ADAMTS18: variants seen among roughly 807,000 people sequenced by gnomAD.
ADAMTS18 encodes ADAM metallopeptidase with thrombospondin type 1 motif 18, also known as A disintegrin and metalloproteinase with thrombospondin motifs 18.
In ADAMTS18, 157 loss-of-function variants were observed where a neutral mutation model predicts 165.9. The ratio of observed to expected loss-of-function variants is 0.95; its 90% CI spans 0.83 to 1.08. The LOEUF (loss-of-function observed/expected upper bound fraction) is 1.08. Among genes scored for constraint, ADAMTS18 ranks in the 50% least tolerant of loss-of-function variants. The pLI is 0.00. For missense variants in ADAMTS18, 2,040 were observed against 1,534.0 expected, an observed-to-expected ratio of 1.33 and a Z score of -5.51; for synonymous variants, 782 against 578.2, an observed-to-expected ratio of 1.35 and a Z score of -5.06.
chr16:77,428,826 C>G (rs2057704117), intron 3 of ADAMTS18, among the ~76,000 whole-genome samples: 1 of 152,120 alleles, frequency 6.6e-6, no homozygotes, highest in Non-Finnish European at 1.5e-5. Context: ...TGAAAATCCA[C>G]AACACTTCTG....
intron 12 of ADAMTS18, among the ~76,000 whole-genome samples, chr16:77,332,069 G>C (rs1211188373): frequency 6.6e-6 from 1 of 152,120 alleles, no homozygotes; most frequent in Non-Finnish European, 1.5e-5. Context: ...AGTTGACATA[G>C]GTACTATCGT....
At chr16:77,428,451 C>G (rs887634077) in intron 3 of ADAMTS18, among the ~76,000 whole-genome samples, 3 of 152,112 alleles carry the variant, frequency 2.0e-5, no homozygotes, top group Non-Finnish European at 4.4e-5. Flanking sequence ...CAGAACAATG[C>G]AAACTACACC....
In ADAMTS18 at chr16:77,296,128, G is replaced by C. The variant is rs184772666; in HGVS notation, c.2802-1001C>G. ...CTTATGAAGATGATCTAAAACATTG[G>C]TGAATGCAACACTGCTTTAGAAGAA... On this transcript the variant is annotated intron_variant, in intron 18 of 22. Coordinates refer to ENST00000282849, the MANE Select transcript of ADAMTS18 (RefSeq NM_199355.4). Among the ~76,000 whole-genome samples the C allele has an allele frequency of 1.5e-4, 23 of 152,178 alleles. No individual in the cohort carries two copies. In the East Asian group the frequency reaches 3.7e-3, roughly 24 times the overall value.
chr16:77,382,206 T>G (rs986815886), intron 3 of ADAMTS18, among the ~76,000 whole-genome samples: 6 of 149,848 alleles, frequency 4.0e-5, no homozygotes, highest in Non-Finnish European at 6.0e-5. Context: ...TTTGGTTTTT[T>G]GTTTGTTTGT....
chr16:77,297,242 G>A (rs2055490867), intron 18 of ADAMTS18, 47 bp downstream of exon 18: 1 of 1,610,226 alleles, frequency 6.2e-7, no homozygotes, highest in East Asian at 2.2e-5. Flanking sequence ...AACAATGAAG[G>A]CATACAAGTA....
intron 3 of ADAMTS18, among the ~76,000 whole-genome samples, chr16:77,402,102 C>A (rs747842314): frequency 1.3e-5 from 2 of 152,216 alleles, no homozygotes; most frequent in Non-Finnish European, 2.9e-5. Flanking sequence ...TCCCTAGCTA[C>A]CTACCTACCT....
chr16:77,382,138 A>G (rs1045438439), intron 3 of ADAMTS18, among the ~76,000 whole-genome samples: 24 of 152,210 alleles, frequency 1.6e-4, no homozygotes, highest in African/African-American at 5.8e-4. Flanking sequence ...CCACAATAAT[A>G]AAAGATACCA....
chr16:77,338,693 C>T (rs1950632072), intron 11 of ADAMTS18, among the ~76,000 whole-genome samples: 2 of 151,918 alleles, frequency 1.3e-5, no homozygotes, highest in Admixed American at 6.6e-5. Context: ...GTGGCTCAGG[C>T]CTGTAATCCC....
At chr16:77,398,467 C>A (rs2057287215) in intron 3 of ADAMTS18, among the ~76,000 whole-genome samples, 1 of 152,148 alleles carries the variant, frequency 6.6e-6, no homozygotes, top group Non-Finnish European at 1.5e-5. Context: ...TCAAAGCTGC[C>A]AGACACTTCA....
At chr16:77,372,067 T>C (rs1430590906) in intron 3 of ADAMTS18, among the ~76,000 whole-genome samples, 1 of 151,980 alleles carries the variant, frequency 6.6e-6, no homozygotes, top group African/African-American at 2.4e-5. Flanking sequence ...ATCAAAACCA[T>C]ATGAGATATT....
chr16:77,318,746 T>C (rs1011491192), intron 16 of ADAMTS18, among the ~76,000 whole-genome samples: 3 of 152,126 alleles, frequency 2.0e-5, no homozygotes, highest in African/African-American at 4.8e-5. Flanking sequence ...GATAGGCAAG[T>C]CTTTTAATCT....
chr16:77,341,481 C>G (rs1022559253), intron 11 of ADAMTS18, among the ~76,000 whole-genome samples: 1 of 151,756 alleles, frequency 6.6e-6, no homozygotes, highest in East Asian at 1.9e-4. Flanking sequence ...CCATCTAAAA[C>G]AGGAAGACAA....
At chr16:77,425,088 C>T (rs2057654726) in intron 3 of ADAMTS18, among the ~76,000 whole-genome samples, 1 of 152,188 alleles carries the variant, frequency 6.6e-6, no homozygotes, top group African/African-American at 2.4e-5. Context: ...AGCGTCCCTA[C>T]CGCCTATTGA....
chr16:77,301,735 A>C (rs575455706), intron 16 of ADAMTS18, among the ~76,000 whole-genome samples: 1 of 152,040 alleles, frequency 6.6e-6, no homozygotes, highest in South Asian at 2.1e-4. Flanking sequence ...TACTGGCTTA[A>C]ATGTCTCCAG....
chr16:77,388,232 T>C (rs2057136912), intron 3 of ADAMTS18, among the ~76,000 whole-genome samples: 1 of 152,162 alleles, frequency 6.6e-6, no homozygotes. Context: ...CCTGAGTCGC[T>C]GAGATTATAG....
intron 3 of ADAMTS18, among the ~76,000 whole-genome samples, chr16:77,398,066 C>T (rs2057281141): frequency 6.6e-6 from 1 of 152,112 alleles, no homozygotes; most frequent in Admixed American, 6.5e-5. Context: ...CCTATAATCC[C>T]AGCACTTTGG....
chr16:77,349,778 A>G (rs573539379), intron 10 of ADAMTS18, among the ~76,000 whole-genome samples: 11 of 152,202 alleles, frequency 7.2e-5, no homozygotes, highest in Non-Finnish European at 1.5e-4. Context: ...TGATTGACAG[A>G]AGAAATATAC....
At chr16:77,388,190 C>A (rs1187055898) in intron 3 of ADAMTS18, among the ~76,000 whole-genome samples, 2 of 152,212 alleles carry the variant, frequency 1.3e-5, no homozygotes, top group African/African-American at 4.8e-5. Flanking sequence ...ACCTCCGCCT[C>A]CTGGGTTCAA....
At chr16:77,354,654 A>G (rs2056602566) in intron 9 of ADAMTS18, among the ~76,000 whole-genome samples, 1 of 152,202 alleles carries the variant, frequency 6.6e-6, no homozygotes, top group Non-Finnish European at 1.5e-5. Context: ...CAAGTTATGT[A>G]GCTCTTACAC....
Sources: gnomAD v4.1 joint callset for allele counts (sites outside exome capture counted in the v4.1 genomes callset) on GRCh38, gnomAD v4.1.1 for gene constraint, MANE v1.5 for transcripts, NCBI Gene and HGNC (gene_info 2026-07-23, HGNC 2026-07-21) for gene names.